MICU1: variants seen among roughly 807,000 people sequenced by gnomAD.
MICU1 encodes the protein mitochondrial calcium uptake 1.
Under a neutral mutation model 56.8 loss-of-function variants are expected in MICU1, and 45 were observed. The ratio of observed to expected loss-of-function variants is 0.79; its 90% CI spans 0.62 to 1.02. MICU1 has a LOEUF of 1.02. MICU1 is among the 50% of genes least tolerant of loss of function. MICU1 has a pLI of 0.00. For synonymous variants in MICU1, 186 were observed against 195.1 expected, an observed-to-expected ratio of 0.95 and a Z score of 0.39; for missense variants, 504 against 587.1, an observed-to-expected ratio of 0.86 and a Z score of 1.46.
intron 11 of MICU1, among the ~76,000 whole-genome samples, chr10:72,372,737 G>C (rs1862386932): frequency 6.6e-6 from 1 of 151,936 alleles, no homozygotes; most frequent in South Asian, 2.1e-4. Context: ...AGCTACTCGG[G>C]AGGCTGAGGC....
intron 8 of MICU1, among the ~76,000 whole-genome samples, chr10:72,471,930 T>TTTTGTGTG (rs1554876986): frequency 1.3e-5 from 2 of 150,266 alleles, no homozygotes; most frequent in African/African-American, 2.4e-5. Context: ...CACTATGCCT[T>TTTTGTGTG]TGTGTGTGTG....
At chr10:72,457,190 G>C (rs1047594991) in intron 8 of MICU1, among the ~76,000 whole-genome samples, 1 of 150,908 alleles carries the variant, frequency 6.6e-6, no homozygotes, top group Non-Finnish European at 1.5e-5. Flanking sequence ...TAGAAGGAGT[G>C]GGTTAGAAAC....
chr10:72,569,231 A>ATTTTTTTTTTT (rs1156509426), intron 1 of MICU1, among the ~76,000 whole-genome samples: 11 of 39,536 alleles, frequency 2.8e-4, no homozygotes, highest in African/African-American at 5.4e-4. Context: ...ATATATATAT[A>ATTTTTTTTTTT]TATATATTTT....
intron 6 of MICU1, among the ~76,000 whole-genome samples, chr10:72,482,269 T>C (rs1866323811): frequency 6.6e-6 from 1 of 152,218 alleles, no homozygotes. Context: ...TACATTATTT[T>C]TTGGTAGCAC....
intron 1 of MICU1, among the ~76,000 whole-genome samples, chr10:72,593,030 C>A (rs1201990963): frequency 6.6e-6 from 1 of 151,810 alleles, no homozygotes; most frequent in Non-Finnish European, 1.5e-5. Flanking sequence ...AGGTGATCCA[C>A]CCACTTCGCC....
chr10:72,384,141 GCGC>G (rs1862811637), intron 10 of MICU1, among the ~76,000 whole-genome samples: 1 of 152,050 alleles, frequency 6.6e-6, no homozygotes, highest in South Asian at 2.1e-4. Context: ...CTACAGGCTC[GCGC>G]CACCATGCCT....
chr10:72,539,718 G>A (rs1839722223), intron 4 of MICU1, among the ~76,000 whole-genome samples: 1 of 151,964 alleles, frequency 6.6e-6, no homozygotes, highest in Admixed American at 6.6e-5. Flanking sequence ...ATTAGTAGGA[G>A]GAAGGAAATA....
intron 10 of MICU1, among the ~76,000 whole-genome samples, chr10:72,399,734 G>A (rs528413244): frequency 9.2e-5 from 14 of 152,230 alleles, no homozygotes; most frequent in South Asian, 4.1e-4. Flanking sequence ...AGACCAAGGC[G>A]GACAGATCAC....
chr10:72,590,515 G>A (rs988923284), intron 1 of MICU1, among the ~76,000 whole-genome samples: 3 of 152,078 alleles, frequency 2.0e-5, no homozygotes, highest in African/African-American at 4.8e-5. Context: ...AGATAAGTAA[G>A]AAAACAGAAG....
intron 8 of MICU1, among the ~76,000 whole-genome samples, chr10:72,461,516 T>C (rs73279066): frequency 0.053 from 8,112 of 152,308 alleles, 739 homozygotes; most frequent in African/African-American, 0.18. Context: ...TGTACTGTAC[T>C]TATGTACTGT....
intron 8 of MICU1, among the ~76,000 whole-genome samples, chr10:72,432,890 G>C (rs928338936): frequency 2.6e-5 from 4 of 152,192 alleles, no homozygotes; most frequent in African/African-American, 9.6e-5. Context: ...GTTTAGGTCT[G>C]TTTTATGTGT....
chr10:72,420,108 G>A (rs1430319043), intron 9 of MICU1, among the ~76,000 whole-genome samples: 4 of 152,160 alleles, frequency 2.6e-5, no homozygotes, highest in Non-Finnish European at 5.9e-5. Flanking sequence ...TACCCAGGCT[G>A]GAGTGCAATG....
intron 10 of MICU1, among the ~76,000 whole-genome samples, chr10:72,404,563 G>A (rs931310194): frequency 6.6e-5 from 10 of 151,962 alleles, no homozygotes; most frequent in African/African-American, 2.4e-4. Flanking sequence ...AAAAGAAAGA[G>A]AATTCATAAT....
intron 8 of MICU1, among the ~76,000 whole-genome samples, chr10:72,450,376 G>A (rs941866435): frequency 3.3e-5 from 5 of 151,886 alleles, no homozygotes; most frequent in Admixed American, 6.6e-5. Context: ...GATGAATCAC[G>A]TAGTTAGGCG....
At chr10:72,438,052 T>C (rs981461506) in intron 8 of MICU1, among the ~76,000 whole-genome samples, 4 of 152,196 alleles carry the variant, frequency 2.6e-5, no homozygotes, top group Non-Finnish European at 1.5e-5. Flanking sequence ...GTGGACCTAA[T>C]AGACATCTAC....
intron 4 of MICU1, among the ~76,000 whole-genome samples, chr10:72,538,864 C>T (rs1199652655): frequency 6.6e-6 from 1 of 151,346 alleles, no homozygotes; most frequent in Non-Finnish European, 1.5e-5. Flanking sequence ...ACTCATTTCA[C>T]CAGTAAGGAC....
At position 72,454,420 on chromosome 10, in the gene MICU1, C is replaced by T. The variant is rs1487611785; in HGVS notation, c.933+20680G>A. ...GGTGAGCTGAGATCATGCCATTGCA[C>T]TCCAGCCTGGGCAACAAGAGTGAAA... On this transcript the variant is annotated intron_variant, in intron 8 of 11. Coordinates refer to ENST00000361114, the MANE Select transcript of MICU1 (RefSeq NM_001195518.2). Among the ~76,000 whole-genome samples the T allele has an allele frequency of 3.3e-5, 5 of 151,852 alleles. No individual in the cohort carries two copies. The South Asian group carries it at 6.3e-4, about 19-fold the overall frequency.
At chr10:72,370,345 C>T (rs1224298801) in intron 11 of MICU1, among the ~76,000 whole-genome samples, 1 of 152,148 alleles carries the variant, frequency 6.6e-6, no homozygotes, top group Non-Finnish European at 1.5e-5. Context: ...CCTACCTCTA[C>T]TCATGATTGG....
intron 5 of MICU1, among the ~76,000 whole-genome samples, chr10:72,529,322 A>G (rs1839410454): frequency 6.6e-6 from 1 of 152,154 alleles, no homozygotes; most frequent in African/African-American, 2.4e-5. Context: ...AGGGGAATCA[A>G]TAGGTAGGAA....
Sources: allele counts gnomAD v4.1 joint callset (sites outside exome capture counted in the v4.1 genomes callset), GRCh38; gene constraint gnomAD v4.1.1; transcripts MANE v1.5; gene names NCBI Gene and HGNC (gene_info 2026-07-23, HGNC 2026-07-21).